KLHL18: variants seen among roughly 807,000 people sequenced by gnomAD.
KLHL18 encodes kelch like family member 18, also known as kelch-like protein 18.
A neutral mutation model predicts 58.5 loss-of-function variants in KLHL18; 38 were observed. The observed-to-expected ratio is 0.65, with a 90% confidence interval of 0.50 to 0.85. KLHL18 has a LOEUF of 0.85. Ranked by LOEUF, KLHL18 falls within the 40% of genes least tolerant of loss-of-function variation. The pLI, the probability that KLHL18 is intolerant of heterozygous loss-of-function variation, is 0.00. For missense variants in KLHL18, 624 were observed against 778.4 expected, an observed-to-expected ratio of 0.80 and a Z score of 2.36; for synonymous variants, 303 against 301.9, an observed-to-expected ratio of 1.00 and a Z score of -0.04.
At chr3:47,335,617 C>T (rs991787830) in intron 6 of KLHL18, among the ~76,000 whole-genome samples, 13 of 152,142 alleles carry the variant, frequency 8.5e-5, no homozygotes, top group Non-Finnish European at 1.9e-4. Context: ...AAGCAATTCT[C>T]CCGCCTTAGC....
intron 1 of KLHL18, among the ~76,000 whole-genome samples, chr3:47,302,170 A>G (rs1291667898): frequency 6.6e-6 from 1 of 152,208 alleles, no homozygotes; most frequent in Non-Finnish European, 1.5e-5. Flanking sequence ...GATAAAGGAA[A>G]TTAGAGAAAA....
Position 47,282,991 on chromosome 3 carries a change from T to A in KLHL18, c.26T>A (p.Leu9Gln). The change falls in exon 1 of 10, where the codon CTG becomes CAG. Residue 9 changes from leucine (L) to glutamine (Q), a missense_variant. Physicochemically the swap from Leu to Gln is moderately radical, Grantham distance 113. Transcript: ENST00000232766. ...ATGGTGGAGGACGGCGCGGAGGAGC[T>A]GGAGGATCTGGTGCACTTCTCCGTG... Reference protein sequence around the residue: MVEDGAEELEDLVHFSVSE... With the variant: MVEDGAEEQEDLVHFSVSE... 1.2e-6 allele frequency: 2 copies of A among 1,611,246 alleles called. No individual in the cohort carries two copies. The highest frequency in any genetic ancestry group is 2.2e-5 in the South Asian group (2 of 90,444).
At chr3:47,316,691 A>G (rs1703451831) in intron 1 of KLHL18, among the ~76,000 whole-genome samples, 3 of 132,022 alleles carry the variant, frequency 2.3e-5, no homozygotes, top group South Asian at 2.3e-4. Flanking sequence ...ATGTGTGTGT[A>G]TATATACATA....
At chr3:47,302,745 T>C (rs1360738134) in intron 1 of KLHL18, among the ~76,000 whole-genome samples, 1 of 152,352 alleles carries the variant, frequency 6.6e-6, no homozygotes, top group Middle Eastern at 3.4e-3. Context: ...TTTTGCTTTT[T>C]CGTTTCTCCA....
At chr3:47,309,278 G>A (rs1419288407) in intron 1 of KLHL18, among the ~76,000 whole-genome samples, 9 of 152,242 alleles carry the variant, frequency 5.9e-5, no homozygotes, top group Non-Finnish European at 8.8e-5. Context: ...TCAATGAGCT[G>A]TTGGGTACAC....
intron 2 of KLHL18, among the ~76,000 whole-genome samples, chr3:47,321,894 C>CA (rs1240021999): frequency 2.0e-5 from 3 of 152,036 alleles, no homozygotes; most frequent in African/African-American, 7.2e-5. Flanking sequence ...GCAGTCATTG[C>CA]AAAGGCCCTG....
chr3:47,328,102 T>G (rs1380239472), intron 3 of KLHL18, among the ~76,000 whole-genome samples: 1 of 152,092 alleles, frequency 6.6e-6, no homozygotes, highest in Non-Finnish European at 1.5e-5. Flanking sequence ...CAGTGGCTCA[T>G]GCCTGTAATC....
At chr3:47,286,256 G>A (rs1702674635) in intron 1 of KLHL18, among the ~76,000 whole-genome samples, 2 of 152,310 alleles carry the variant, frequency 1.3e-5, no homozygotes, top group South Asian at 4.1e-4. Flanking sequence ...AAACTTTATT[G>A]TAGAGCCCAA....
chr3:47,319,606 G>A, intron 1 of KLHL18, 47 bp from the exon 2 acceptor site: 4 of 1,581,626 alleles, frequency 2.5e-6, no homozygotes, highest in Non-Finnish European at 3.4e-6. Flanking sequence ...GTTTGTTTTT[G>A]TTTTGCATTC....
At chr3:47,283,173 A>T in intron 1 of KLHL18, 79 bp downstream of exon 1, 1 of 906,574 alleles carries the variant, frequency 1.1e-6, no homozygotes. Flanking sequence ...ACAGAGAAAG[A>T]GAGGTCTAGC....
intron 7 of KLHL18, chr3:47,338,291 T>TG (rs1704031174): frequency 6.6e-6 from 1 of 152,270 alleles, no homozygotes; most frequent in Non-Finnish European, 1.5e-5. Context: ...CATGCAGTTT[T>TG]GGGGCACCTC....
At chr3:47,285,812 C>T (rs971155580) in intron 1 of KLHL18, among the ~76,000 whole-genome samples, 2 of 152,078 alleles carry the variant, frequency 1.3e-5, no homozygotes, top group Admixed American at 6.6e-5. Flanking sequence ...TTTGGGAGGC[C>T]GAGGCAGGTG....
chr3:47,326,145 A>G (rs1160080484), intron 3 of KLHL18, among the ~76,000 whole-genome samples: 1 of 151,960 alleles, frequency 6.6e-6, no homozygotes, highest in Non-Finnish European at 1.5e-5. Flanking sequence ...ATGGGGTTTC[A>G]CCATGTTGGC....
intron 7 of KLHL18, chr3:47,337,268 C>T (rs917270591): frequency 5.9e-6 from 1 of 169,054 alleles, no homozygotes; most frequent in African/African-American, 2.4e-5. Context: ...TTATTTAGGT[C>T]ACACACATTC....
chr3:47,292,161 A>G (rs114409151), intron 1 of KLHL18, among the ~76,000 whole-genome samples: 2,271 of 152,324 alleles, frequency 0.015, 23 homozygotes, highest in South Asian at 0.027. Context: ...ATAATGGTAT[A>G]TGTGGGCAGA....
At chr3:47,290,296 C>G (rs1702763646) in intron 1 of KLHL18, among the ~76,000 whole-genome samples, 1 of 152,186 alleles carries the variant, frequency 6.6e-6, no homozygotes, top group Non-Finnish European at 1.5e-5. Context: ...AGAGAAGATG[C>G]AGGCTTTTTC....
chr3:47,288,627 T>C (rs1702727605), intron 1 of KLHL18, among the ~76,000 whole-genome samples: 1 of 152,110 alleles, frequency 6.6e-6, no homozygotes, highest in African/African-American at 2.4e-5. Context: ...TTTTGGAAAA[T>C]ATTTGAAATT....
At chr3:47,292,058 A>G (rs73831493) in intron 1 of KLHL18, among the ~76,000 whole-genome samples, 1 of 150,540 alleles carries the variant, frequency 6.6e-6, no homozygotes, top group African/African-American at 2.4e-5. Flanking sequence ...CCAGTGAAAC[A>G]GACAGTCTGT....
At chr3:47,302,128 G>T (rs947207452) in intron 1 of KLHL18, among the ~76,000 whole-genome samples, 8 of 152,126 alleles carry the variant, frequency 5.3e-5, no homozygotes. Context: ...TATGTTATGT[G>T]TATTATGTTA....
Sources: gnomAD v4.1 joint callset for allele counts (sites outside exome capture counted in the v4.1 genomes callset) on GRCh38, gnomAD v4.1.1 for gene constraint, MANE v1.5 for transcripts, NCBI Gene and HGNC (gene_info 2026-07-23, HGNC 2026-07-21) for gene names.